DAPK2: variants seen among roughly 807,000 people sequenced by gnomAD.
The protein encoded by DAPK2 is death-associated protein kinase 2.
A neutral mutation model predicts 44.1 loss-of-function variants in DAPK2; 35 were observed. The observed-to-expected ratio is 0.79, with a 90% CI of 0.61 to 1.05. The LOEUF is 1.05. Ranked by LOEUF, DAPK2 falls within the 50% of genes least tolerant of loss-of-function variation. The pLI is 0.00. For synonymous variants in DAPK2, 174 were observed against 182.6 expected (o/e 0.95, Z 0.38); for missense variants, 453 against 483.2 (o/e 0.94, Z 0.59).
intron 8 of DAPK2, among the ~76,000 whole-genome samples, chr15:63,915,359 T>C (rs1280598494): frequency 6.6e-6 from 1 of 152,164 alleles, no homozygotes; most frequent in Non-Finnish European, 1.5e-5. Flanking sequence ...ATCAACCATT[T>C]CTAAGTCTAA....
intron 5 of DAPK2, 54 bp downstream of exon 6, chr15:63,930,353 G>A: frequency 6.5e-7 from 1 of 1,541,810 alleles, no homozygotes; most frequent in Admixed American, 1.7e-5. Flanking sequence ...AGGATCTGAG[G>A]CCTTCCGCCC....
intron 2 of DAPK2, among the ~76,000 whole-genome samples, chr15:63,972,580 A>C (rs1176881052): frequency 6.6e-6 from 1 of 152,238 alleles, no homozygotes; most frequent in Non-Finnish European, 1.5e-5. Flanking sequence ...ATAAAGTAGC[A>C]GAGAACGTGG....
At chr15:63,982,416 C>T (rs577161089) in intron 2 of DAPK2, among the ~76,000 whole-genome samples, 5 of 152,186 alleles carry the variant, frequency 3.3e-5, no homozygotes, top group African/African-American at 9.6e-5. Context: ...GTCTCAAACT[C>T]CGACCTTGTG....
intron 3 of DAPK2, among the ~76,000 whole-genome samples, chr15:63,949,392 G>A (rs2077530297): frequency 6.6e-6 from 1 of 152,196 alleles, no homozygotes; most frequent in Non-Finnish European, 1.5e-5. Context: ...CCTGGGCTAA[G>A]CAGCACACTG....
At chr15:63,922,539 A>C in intron 8 of DAPK2, 1 of 1,368,550 alleles carries the variant, frequency 7.3e-7, no homozygotes, top group East Asian at 2.7e-5. Context: ...CTCCCAGAAA[A>C]CCAGATTGGT....
rs150005176 is a variant in DAPK2, at chr15:64,018,301, G to A, written c.92+21869C>T. On this transcript the variant is annotated intron_variant, in intron 1 of 10. Coordinates refer to ENST00000261891, the Ensembl canonical transcript of DAPK2. ...CAGCACTTGGCCAGTCCCAAGGGCT[G>A]TGAGGACAGGACCTGTGAGCCCAAG... is the stretch of plus-strand genomic sequence containing the variant. Among the ~76,000 whole-genome samples, 12 of 152,324 alleles carry A rather than the reference G, an allele frequency of 7.9e-5. No individual in the cohort carries two copies. The East Asian group carries it at 2.1e-3, about 27-fold the overall frequency.
At chr15:63,984,190 G>T (rs1469672954) in intron 1 of DAPK2, among the ~76,000 whole-genome samples, 3 of 152,156 alleles carry the variant, frequency 2.0e-5, no homozygotes, top group Non-Finnish European at 4.4e-5. Flanking sequence ...TCATCATAGT[G>T]GGGGAGCATC....
At chr15:63,918,444 T>G (rs1344672574) in intron 8 of DAPK2, 1 of 152,318 alleles carries the variant, frequency 6.6e-6, no homozygotes, top group Non-Finnish European at 1.5e-5. Flanking sequence ...AGGGCCAGCT[T>G]GCCAGCTTCC....
Position 63,943,260 on chromosome 15 carries a change from C to CA in DAPK2, c.454-3900dup, listed in dbSNP as rs1321947631. ...GCAACTTGGAGAAACCCTGTCTCTA[C>CA]AAAAAAAATTTTTAAAAATTAGCCC... is the stretch of plus-strand genomic sequence containing the variant. On this transcript the variant is annotated intron_variant, in intron 3 of 10. Transcript: ENST00000261891. Among the ~76,000 whole-genome samples, 6 of 151,822 alleles carry CA rather than the reference C, an allele frequency of 4.0e-5. No homozygotes were observed. In the South Asian group the frequency reaches 1.0e-3, roughly 26 times the overall value.
At chr15:63,960,163 T>C (rs2077849768) in intron 3 of DAPK2, among the ~76,000 whole-genome samples, 1 of 152,246 alleles carries the variant, frequency 6.6e-6, no homozygotes. Context: ...TAGTATTCTC[T>C]GATGGTAGTT....
intron 2 of DAPK2, among the ~76,000 whole-genome samples, chr15:63,977,838 C>T (rs2078396092): frequency 6.6e-6 from 1 of 152,192 alleles, no homozygotes; most frequent in Non-Finnish European, 1.5e-5. Flanking sequence ...AGGATTTAGA[C>T]CCAGATTTTC....
intron 8 of DAPK2, chr15:63,922,765 A>C (rs1280723807): frequency 1.6e-5 from 25 of 1,523,074 alleles, no homozygotes; most frequent in Non-Finnish European, 2.1e-5. Context: ...GAAATTCCTC[A>C]GTGCATGATC....
At chr15:63,945,094 A>G (rs1247832652) in intron 3 of DAPK2, among the ~76,000 whole-genome samples, 1 of 152,138 alleles carries the variant, frequency 6.6e-6, no homozygotes, top group Non-Finnish European at 1.5e-5. Context: ...TAAACTCCTG[A>G]GCTCAAGTGA....
rs1595759683 is a variant in DAPK2 at position 63,939,441 on chromosome 15, G to C, written c.454-80C>G. The C allele has an allele frequency of 6.9e-7, 1 of 1,438,894 alleles. No individual in the cohort carries two copies. Among genetic ancestry groups the C allele is most frequent in the South Asian group, 1.3e-5 (1 of 76,942 alleles). The allele number at this position is 1,438,894 out of a possible 1,614,324, so 89.1% of individuals were successfully genotyped here. ...ACGGTAATTAAAGGCTGGTTGGTTC[G>C]TGTTTTGGCTTTGGGGTTTGGGGTG... On this transcript the variant is annotated intron_variant, in intron 3 of 10. Coordinates refer to ENST00000261891, the Ensembl canonical transcript of DAPK2. The surrounding 1 kb of genome is among the most constrained non-coding windows in gnomAD (Gnocchi z 4.3).
At chr15:63,967,047 G>T (rs1465357735) in intron 3 of DAPK2, among the ~76,000 whole-genome samples, 1 of 152,072 alleles carries the variant, frequency 6.6e-6, no homozygotes, top group Non-Finnish European at 1.5e-5. Flanking sequence ...GGGCATAGTG[G>T]TGGGTGCCTG....
At chr15:63,955,413 C>T (rs1189738913) in intron 3 of DAPK2, among the ~76,000 whole-genome samples, 1 of 152,098 alleles carries the variant, frequency 6.6e-6, no homozygotes, top group Non-Finnish European at 1.5e-5. Context: ...TATAATGCAT[C>T]AATGTTCATC....
At chr15:63,922,467 G>T in intron 8 of DAPK2, 1 of 1,210,452 alleles carries the variant, frequency 8.3e-7, no homozygotes, top group Non-Finnish European at 1.0e-6. Context: ...CTCTGCAGAA[G>T]GGGACCCTGA....
intron 2 of DAPK2, among the ~76,000 whole-genome samples, chr15:63,975,001 T>C (rs2078305314): frequency 6.6e-6 from 1 of 152,218 alleles, no homozygotes; most frequent in African/African-American, 2.4e-5. Flanking sequence ...CAACCCCTCT[T>C]CCCACCATGG....
intron 2 of DAPK2, 33 bp downstream of exon 3, chr15:63,983,500 C>G: frequency 6.2e-7 from 1 of 1,604,820 alleles, no homozygotes; most frequent in Non-Finnish European, 8.5e-7. Context: ...CCTGCTGCCC[C>G]CCAACCCTGT....
Sources: gnomAD v4.1 joint callset for allele counts (sites outside exome capture counted in the v4.1 genomes callset) on GRCh38, gnomAD v4.1.1 for gene constraint, Gnocchi (gnomAD v3.1) non-coding constraint, MANE v1.5 for transcripts, NCBI Gene and HGNC (gene_info 2026-07-23, HGNC 2026-07-21) for gene names.